Variants in TBC1D16 observed in about 807,000 individuals in gnomAD.
TBC1D16 encodes CTD-2529O21.1.
A neutral mutation model predicts 74.7 loss-of-function variants in TBC1D16; 58 were observed. That is an observed-to-expected ratio of 0.78 (90% CI 0.63 to 0.97). TBC1D16 has a LOEUF of 0.97. Ranked by LOEUF, TBC1D16 falls within the 50% of genes least tolerant of loss-of-function variation. The probability of loss-of-function intolerance (pLI) is 0.00; values close to 1 mark genes in which losing one functional copy is unlikely to be tolerated. For synonymous variants in TBC1D16, 493 were observed against 474.7 expected (o/e 1.04, Z -0.50); for missense variants, 1,014 against 1,079.5 (o/e 0.94, Z 0.85).
intron 1 of TBC1D16, among the ~76,000 whole-genome samples, chr17:80,026,767 C>G (rs958364861): frequency 3.3e-5 from 5 of 149,876 alleles, no homozygotes; most frequent in African/African-American, 1.3e-4. Context: ...CCTTAGGGAC[C>G]TGGAGTCCTG....
intron 1 of TBC1D16, among the ~76,000 whole-genome samples, chr17:80,015,948 T>C (rs1238716671): frequency 1.4e-5 from 2 of 143,166 alleles, no homozygotes; most frequent in Admixed American, 7.1e-5. Flanking sequence ...GAGGTGGAGG[T>C]TTCAGTGAGC....
chr17:80,033,324 C>A (rs2036837000), intron 1 of TBC1D16, among the ~76,000 whole-genome samples: 1 of 151,502 alleles, frequency 6.6e-6, no homozygotes, highest in African/African-American at 2.4e-5. Context: ...TAACTAAGTG[C>A]CAGAGGAGTT....
Position 80,013,610 on chromosome 17 carries a change from C to T in TBC1D16, c.-62-1G>A. 7.0e-7 allele frequency: 1 copy of T among 1,432,864 alleles called. No individual in the cohort carries two copies. Among genetic ancestry groups the T allele is most frequent in the South Asian group, 1.5e-5 (1 of 67,562 alleles). The allele number at this position is 1,432,864 out of a possible 1,614,324, so 88.8% of individuals were successfully genotyped here. A position where few individuals can be genotyped will look rare whatever the true frequency, so the allele number is the denominator to read the frequency against. On this transcript the variant is annotated splice_acceptor_variant, in intron 1 of 11. Coordinates refer to ENST00000310924, the MANE Select transcript of TBC1D16 (RefSeq NM_019020.4). LOFTEE classifies it low-confidence loss of function (5UTR_SPLICE). Reference sequence around the variant, plus strand: ...CCGGGCAGGGCTCGTCAAGACCTGCCTGGGGGAGGAAGAGAGAGGAGATGG... The same window carrying T: ...CCGGGCAGGGCTCGTCAAGACCTGCTTGGGGGAGGAAGAGAGAGGAGATGG...
At chr17:80,033,116 T>C (rs2036830410) in intron 1 of TBC1D16, among the ~76,000 whole-genome samples, 1 of 152,214 alleles carries the variant, frequency 6.6e-6, no homozygotes, top group Non-Finnish European at 1.5e-5. Flanking sequence ...AAACAAAATG[T>C]TTTGTGTCAA....
intron 10 of TBC1D16, chr17:79,943,835 G>C: frequency 7.3e-7 from 1 of 1,364,894 alleles, no homozygotes; most frequent in Admixed American, 3.1e-5. Flanking sequence ...GAACGTAAAG[G>C]AATGAGGGCG....
At chr17:80,025,616 C>G (rs1356062071) in intron 1 of TBC1D16, among the ~76,000 whole-genome samples, 7 of 148,794 alleles carry the variant, frequency 4.7e-5, no homozygotes, top group African/African-American at 7.8e-5. Flanking sequence ...GGAAGCACCC[C>G]CCTGCCAGGA....
intron 1 of TBC1D16, among the ~76,000 whole-genome samples, chr17:80,026,456 G>C (rs12952176): frequency 0.12 from 18,017 of 149,444 alleles, 1,565 homozygotes; most frequent in East Asian, 0.25. Flanking sequence ...TCTGGGGGAG[G>C]GGGGAATCTA....
chr17:79,960,537 C>T (rs975361248), intron 3 of TBC1D16, among the ~76,000 whole-genome samples: 4 of 151,992 alleles, frequency 2.6e-5, no homozygotes, highest in African/African-American at 7.3e-5. Context: ...GGGTGGGTCA[C>T]CTGAGCTCAG....
intron 3 of TBC1D16, chr17:79,992,090 T>TGGAA (rs1286872477): frequency 2.0e-5 from 3 of 152,254 alleles, no homozygotes; most frequent in Non-Finnish European, 4.4e-5. Flanking sequence ...CGGGAAGCGC[T>TGGAA]TTCCCCCTCG....
At position 79,993,813 on chromosome 17, in the gene TBC1D16, G is replaced by A. The variant is rs914797540; in HGVS notation, c.779+16347C>T. Among the ~76,000 whole-genome samples, 7 of 151,996 alleles carry A rather than the reference G, an allele frequency of 4.6e-5. No homozygotes were observed. Among genetic ancestry groups the A allele is most frequent in the African/African-American group, 1.7e-4 (7 of 41,386 alleles). On this transcript the variant is annotated intron_variant, in intron 3 of 11. Coordinates refer to ENST00000310924, the MANE Select transcript of TBC1D16 (RefSeq NM_019020.4). This position sits in a 1 kb window ranked among gnomAD's most constrained non-coding sequence, Gnocchi z 5.1. ...GCTGTTGATGCAAGAGCTGGGGCTC[G>A]GGAGCCTCCCAAGGGCAGCTCTGTG...
At chr17:79,976,947 A>G (rs1361547263) in intron 3 of TBC1D16, among the ~76,000 whole-genome samples, 3 of 152,174 alleles carry the variant, frequency 2.0e-5, no homozygotes, top group African/African-American at 7.2e-5. Context: ...AGAAGGCTAC[A>G]GGGAACACGG....
rs962422929 is a variant in TBC1D16 at position 80,008,916 on chromosome 17, G to A, written c.779+1244C>T. On this transcript the variant is annotated intron_variant, in intron 3 of 11. Transcript: ENST00000310924. The surrounding 1 kb of genome is among the most constrained non-coding windows in gnomAD (Gnocchi z 4.5). ...TGCCCCACCACTCCCCGGCTTAATC[G>A]GCCTGGGGTGACCTTTTATGCTGCA... Among the ~76,000 whole-genome samples the A allele has an allele frequency of 2.0e-5, 3 of 152,262 alleles. No homozygotes were observed. Among genetic ancestry groups the A allele is most frequent in the Non-Finnish European group, 4.4e-5 (3 of 68,006 alleles).
In TBC1D16 at chr17:80,002,025, C is replaced by T. The variant is rs192650047; in HGVS notation, c.779+8135G>A. Among the ~76,000 whole-genome samples, 473 of 152,284 alleles carry T rather than the reference C, an allele frequency of 3.1e-3. 2 individuals carry two copies. Among genetic ancestry groups the T allele is most frequent in the African/African-American group, 0.011 (451 of 41,560 alleles). ...ACCTCCAGGAGTTTCTAATCCTCCT[C>T]GGGCTTGCCTGGAGGGTTGGGCAGA... On this transcript the variant is annotated intron_variant, in intron 3 of 11. Transcript: ENST00000310924.
chr17:79,952,246 C>A, intron 4 of TBC1D16: 1 of 166,698 alleles, frequency 6.0e-6, no homozygotes, highest in Non-Finnish European at 1.3e-5. Context: ...AACTAGGCAT[C>A]GCCCACCCAT....
In TBC1D16 at chr17:79,963,836, A is replaced by G. The variant is rs535176140; in HGVS notation, c.780-11018T>C. 5.3e-5 allele frequency among the ~76,000 whole-genome samples: 8 copies of G among 152,288 alleles called. No individual in the cohort carries two copies. The South Asian group carries it at 1.7e-3, about 32-fold the overall frequency. On this transcript the variant is annotated intron_variant, in intron 3 of 11. Coordinates refer to ENST00000310924, the MANE Select transcript of TBC1D16 (RefSeq NM_019020.4). ...TTGCATTTCCCCGATGATTAATGAT[A>G]TTGAGTACCTTCATGTGCTTATCGG...
Position 79,944,942 on chromosome 17 carries a change from A to G in TBC1D16, c.1874T>C (p.Leu625Pro). ...FKREFPEAEA[L>P]RIWEACWAHY... ...GGCCCAGCAGGCCTCCCAGATCCGC[A>G]GCGCTTCGGCCTCGGGGAACTCCCG... Residue 625 changes from leucine to proline, a missense_variant, in exon 10 of 12, where the codon CTG (leucine) becomes CCG (proline). Physicochemically the swap from Leu to Pro is moderately conservative, Grantham distance 98. Transcript: ENST00000310924. This position sits in a 1 kb window ranked among gnomAD's most constrained non-coding sequence, Gnocchi z 7.7. The G allele has an allele frequency of 6.4e-7, 1 of 1,553,252 alleles. No homozygotes were observed. Among genetic ancestry groups the G allele is most frequent in the African/African-American group, 1.4e-5 (1 of 73,488 alleles).
In TBC1D16 at chr17:80,010,807, G is replaced by A. The variant is rs1598424048; in HGVS notation, c.182-50C>T. On this transcript the variant is annotated intron_variant, in intron 2 of 11. Transcript: ENST00000310924. The surrounding 1 kb of genome is among the most constrained non-coding windows in gnomAD (Gnocchi z 8.8). ...CGTTAGAGGCCAGGAGGCTGTGGATGAGGCCCTTGTGGTACCTTTGGCGAG... is the reference window on the plus strand; with the variant it reads ...CGTTAGAGGCCAGGAGGCTGTGGATAAGGCCCTTGTGGTACCTTTGGCGAG... 2 of 1,373,048 alleles carry A rather than the reference G, an allele frequency of 1.5e-6. No individual in the cohort carries two copies. Among genetic ancestry groups the A allele is most frequent in the Middle Eastern group, 2.0e-4 (1 of 5,122 alleles). 85.1% of individuals were successfully genotyped at this position (1,373,048 alleles called of 1,614,324 possible).
At chr17:80,011,574 C>G (rs2035893946) in intron 2 of TBC1D16, among the ~76,000 whole-genome samples, 1 of 152,180 alleles carries the variant, frequency 6.6e-6, no homozygotes, top group Admixed American at 6.5e-5. Context: ...CGCCTGTAAT[C>G]CCAGCACTTT....
chr17:79,993,657 T>C lies in TBC1D16; in HGVS notation c.779+16503A>G, dbSNP rs1366011867. The C allele has an allele frequency of 6.6e-6, 1 of 152,186 alleles. No individual in the cohort carries two copies. The allele number at this position is 152,186 out of a possible 1,614,324, so 9.4% of individuals were successfully genotyped here. A position where few individuals can be genotyped will look rare whatever the true frequency, so the allele number is the denominator to read the frequency against. ...TTACATTGCAACAGCCAGGCGTGGTTCCCCAGAGGTACGGTGTGAGCTCCC... is the reference window on the plus strand; with the variant it reads ...TTACATTGCAACAGCCAGGCGTGGTCCCCCAGAGGTACGGTGTGAGCTCCC... On this transcript the variant is annotated intron_variant, in intron 3 of 11. Coordinates refer to ENST00000310924, the MANE Select transcript of TBC1D16 (RefSeq NM_019020.4). This position sits in a 1 kb window ranked among gnomAD's most constrained non-coding sequence, Gnocchi z 5.1.
Sources: allele counts gnomAD v4.1 joint callset (sites outside exome capture counted in the v4.1 genomes callset), GRCh38; gene constraint gnomAD v4.1.1; non-coding constraint Gnocchi (gnomAD v3.1); transcripts MANE v1.5; gene names NCBI Gene and HGNC (gene_info 2026-07-23, HGNC 2026-07-21).